ROBO2: variants seen among roughly 807,000 people sequenced by gnomAD.
The protein encoded by ROBO2 is roundabout homolog 2.
In ROBO2, 53 loss-of-function variants were observed where a neutral mutation model predicts 160.8. The observed-to-expected ratio is 0.33, with a 90% CI of 0.26 to 0.41. The LOEUF (loss-of-function observed/expected upper bound fraction) is 0.41. Ranked by LOEUF, ROBO2 falls within the 10% of genes least tolerant of loss-of-function variation. The pLI, the probability that ROBO2 is intolerant of heterozygous loss-of-function variation, is 1.00. For synonymous variants in ROBO2, 664 were observed against 611.7 expected (o/e 1.09, Z -1.26); for missense variants, 1,577 against 1,722.4 (o/e 0.92, Z 1.49).
At chr3:76,203,742 C>T (rs1165806223) in intron 2 of ROBO2, among the ~76,000 whole-genome samples, 1 of 139,640 alleles carries the variant, frequency 7.2e-6, no homozygotes, top group Non-Finnish European at 1.6e-5. Context: ...AATTTCTTCT[C>T]CTTTCTCACC....
chr3:76,862,364 T>C (rs1448767077), intron 2 of ROBO2, among the ~76,000 whole-genome samples: 1 of 152,110 alleles, frequency 6.6e-6, no homozygotes, highest in African/African-American at 2.4e-5. Flanking sequence ...CAAGGCAAAC[T>C]AACAGATAAA....
chr3:77,473,191 T>C (rs2083537011), intron 2 of ROBO2, among the ~76,000 whole-genome samples: 1 of 152,040 alleles, frequency 6.6e-6, no homozygotes, highest in African/African-American at 2.4e-5. Flanking sequence ...CGTGAAGAAG[T>C]TGGCCACCCC....
At chr3:76,736,556 G>A (rs1421624295) in intron 2 of ROBO2, among the ~76,000 whole-genome samples, 1 of 152,170 alleles carries the variant, frequency 6.6e-6, no homozygotes, top group Non-Finnish European at 1.5e-5. Context: ...TTTGGAACAT[G>A]TGCTTTGGAG....
At chr3:77,062,568 G>A (rs894242775) in intron 1 of ROBO2, among the ~76,000 whole-genome samples, 4 of 152,108 alleles carry the variant, frequency 2.6e-5, no homozygotes, top group African/African-American at 9.7e-5. Flanking sequence ...TCTCCCAGAG[G>A]TCATGATTGT....
intron 2 of ROBO2, among the ~76,000 whole-genome samples, chr3:77,198,861 C>T (rs2082553444): frequency 2.0e-5 from 3 of 151,856 alleles, no homozygotes; most frequent in Admixed American, 2.0e-4. Flanking sequence ...TGAGATTGCA[C>T]CATTGCACTC....
At chr3:77,248,565 G>A (rs1333435815) in intron 2 of ROBO2, among the ~76,000 whole-genome samples, 1 of 152,182 alleles carries the variant, frequency 6.6e-6, no homozygotes, top group Non-Finnish European at 1.5e-5. Flanking sequence ...CCCACATGGA[G>A]TTTTGCTCCT....
intron 2 of ROBO2, among the ~76,000 whole-genome samples, chr3:77,468,098 A>C (rs2153577695): frequency 6.6e-6 from 1 of 152,336 alleles, no homozygotes; most frequent in South Asian, 2.1e-4. Context: ...TGCCACGTGA[A>C]CAATTCTGTG....
In ROBO2 at chr3:77,032,756, G is replaced by A. The variant is rs751179750; in HGVS notation, c.110-65258G>A. 5.8e-4 allele frequency among the ~76,000 whole-genome samples: 88 copies of A among 152,096 alleles called. 1 individual carries two copies. Among genetic ancestry groups the A allele is most frequent in the Admixed American group, 5.6e-3 (86 of 15,276 alleles). Reference sequence around the variant, plus strand: ...ATCCTGAAATTCATGCATTTTATCCGATGGCTCAGTGTTTTCTATTTGGCC... The same window carrying A: ...ATCCTGAAATTCATGCATTTTATCCAATGGCTCAGTGTTTTCTATTTGGCC... On this transcript the variant is annotated intron_variant, in intron 2 of 26. Transcript: ENST00000487694.
intron 2 of ROBO2, among the ~76,000 whole-genome samples, chr3:76,319,984 A>G (rs2072381235): frequency 6.6e-6 from 1 of 152,070 alleles, no homozygotes; most frequent in African/African-American, 2.4e-5. Context: ...ACGGAGGGGA[A>G]GTTGTTGTGA....
chr3:76,781,322 G>T (rs935208738), intron 2 of ROBO2, among the ~76,000 whole-genome samples: 1 of 150,508 alleles, frequency 6.6e-6, no homozygotes. Context: ...AGTCTTTAGG[G>T]TTTTCTATAT....
chr3:76,666,619 G>GA (rs1383190912), intron 2 of ROBO2, among the ~76,000 whole-genome samples: 10 of 151,156 alleles, frequency 6.6e-5, no homozygotes, highest in Non-Finnish European at 1.3e-4. Flanking sequence ...CAGTCTATTG[G>GA]AAAATGAAAA....
At chr3:77,040,160 C>T in exon 1 of ROBO2, 1 of 984,110 alleles carries the variant, frequency 1.0e-6, no homozygotes, top group Non-Finnish European at 1.2e-6. Context: ...CTTTTGGAAA[C>T]CGGAGAGGTG....
intron 2 of ROBO2, among the ~76,000 whole-genome samples, chr3:77,453,151 C>T (rs1466117367): frequency 6.6e-6 from 1 of 152,138 alleles, no homozygotes; most frequent in Non-Finnish European, 1.5e-5. Flanking sequence ...TTACTGCCTT[C>T]TCTATTAAAC....
chr3:77,314,298 C>T (rs2063785828), intron 2 of ROBO2, among the ~76,000 whole-genome samples: 3 of 152,318 alleles, frequency 2.0e-5, no homozygotes, highest in Admixed American at 6.5e-5. Context: ...GGTTCCATTG[C>T]TACCAATCTT....
At chr3:76,475,091 T>C (rs1019292117) in intron 2 of ROBO2, among the ~76,000 whole-genome samples, 4 of 150,560 alleles carry the variant, frequency 2.7e-5, no homozygotes, top group African/African-American at 9.9e-5. Context: ...CACTAGCTAG[T>C]TGACCATGTA....
intron 2 of ROBO2, among the ~76,000 whole-genome samples, chr3:75,989,279 G>A (rs2065499264): frequency 6.6e-6 from 1 of 151,950 alleles, no homozygotes; most frequent in Non-Finnish European, 1.5e-5. Context: ...TACCATGACT[G>A]GCTAATTTTT....
intron 2 of ROBO2, among the ~76,000 whole-genome samples, chr3:77,347,079 G>T (rs2067735075): frequency 1.3e-5 from 2 of 152,046 alleles, no homozygotes; most frequent in Non-Finnish European, 2.9e-5. Context: ...CCACAGTGTT[G>T]TTGTTTGATT....
intron 2 of ROBO2, among the ~76,000 whole-genome samples, chr3:77,183,300 G>A (rs761759584): frequency 6.6e-6 from 1 of 151,958 alleles, no homozygotes; most frequent in Non-Finnish European, 1.5e-5. Flanking sequence ...ATATGCCTGG[G>A]TGGTCTATAA....
chr3:75,930,052 C>T (rs1356733548), intron 1 of ROBO2, among the ~76,000 whole-genome samples: 1 of 152,220 alleles, frequency 6.6e-6, no homozygotes, highest in Non-Finnish European at 1.5e-5. Context: ...CAGGCAAGTT[C>T]AGCCATCATT....
Sources: allele counts gnomAD v4.1 joint callset (sites outside exome capture counted in the v4.1 genomes callset), GRCh38; gene constraint gnomAD v4.1.1; transcripts MANE v1.5; gene names NCBI Gene and HGNC (gene_info 2026-07-23, HGNC 2026-07-21).